TIAM2: variants seen among roughly 807,000 people sequenced by gnomAD.
The protein encoded by TIAM2 is rho guanine nucleotide exchange factor TIAM2.
A neutral mutation model predicts 152.9 loss-of-function variants in TIAM2; 80 were observed. The observed-to-expected ratio is 0.52, with a 90% CI of 0.44 to 0.63. The LOEUF is 0.63. Ranked by LOEUF, TIAM2 falls within the 30% of genes least tolerant of loss-of-function variation. The probability of loss-of-function intolerance (pLI) is 0.00; values close to 1 mark genes in which losing one functional copy is unlikely to be tolerated. For missense variants in TIAM2, 1,965 were observed against 2,120.1 expected (o/e 0.93, Z 1.44); for synonymous variants, 804 against 838.0 (o/e 0.96, Z 0.70).
chr6:155,221,425 G>C (rs970901145), intron 15 of TIAM2, among the ~76,000 whole-genome samples: 3 of 152,202 alleles, frequency 2.0e-5, no homozygotes, highest in African/African-American at 7.2e-5. Context: ...ACTGAGCAGA[G>C]ATGCTGATCT....
chr6:155,245,754 A>ATTTTTTTT, intron 19 of TIAM2, 23 bp downstream of exon 19: 28 of 562,742 alleles, frequency 5.0e-5, no homozygotes, highest in South Asian at 1.1e-4. Context: ...TGCCTTTTAT[A>ATTTTTTTT]GTTTTTTTTT....
At chr6:155,179,217 T>C in intron 11 of TIAM2, 74 bp downstream of exon 11, 1 of 1,498,366 alleles carries the variant, frequency 6.7e-7, no homozygotes. Flanking sequence ...AATGTCATTT[T>C]TGGGGAAAAT....
At chr6:155,196,603 A>G (rs1422536218) in intron 14 of TIAM2, among the ~76,000 whole-genome samples, 1 of 152,216 alleles carries the variant, frequency 6.6e-6, no homozygotes, top group Non-Finnish European at 1.5e-5. Flanking sequence ...ATTCCATTAA[A>G]TTCATCAAAA....
At chr6:155,045,556 A>G (rs1777156352) in intron 1 of TIAM2, among the ~76,000 whole-genome samples, 1 of 152,028 alleles carries the variant, frequency 6.6e-6, no homozygotes, top group African/African-American at 2.4e-5. Context: ...GTTTTCCTCA[A>G]ATAAGTTGTG....
At chr6:155,184,727 T>TA (rs1472940395) in intron 14 of TIAM2, among the ~76,000 whole-genome samples, 1 of 152,230 alleles carries the variant, frequency 6.6e-6, no homozygotes, top group Non-Finnish European at 1.5e-5. Flanking sequence ...TTTTTGGAAT[T>TA]AAAAAATCAG....
At chr6:155,191,348 T>C (rs964483603) in intron 14 of TIAM2, among the ~76,000 whole-genome samples, 6 of 152,254 alleles carry the variant, frequency 3.9e-5, no homozygotes, top group Admixed American at 3.3e-4. Context: ...AAGCACCAGA[T>C]ACTGCCTGGC....
chr6:155,087,852 A>C (rs142693523), intron 1 of TIAM2, among the ~76,000 whole-genome samples: 1 of 151,974 alleles, frequency 6.6e-6, no homozygotes, highest in Non-Finnish European at 1.5e-5. Flanking sequence ...TGTATTCTAT[A>C]AGGTAGGCAT....
chr6:155,063,803 G>T (rs1237894539), intron 1 of TIAM2, among the ~76,000 whole-genome samples: 1 of 95,804 alleles, frequency 1.0e-5, no homozygotes, highest in Non-Finnish European at 2.2e-5. Flanking sequence ...AAAAAAAAAA[G>T]TTATGGAACT....
chr6:155,151,906 G>A (rs896513139), intron 7 of TIAM2, among the ~76,000 whole-genome samples: 7 of 139,332 alleles, frequency 5.0e-5, no homozygotes, highest in Non-Finnish European at 1.1e-4. Flanking sequence ...TTGCAATGGT[G>A]TGATCTTGGC....
chr6:155,114,711 C>T (rs1015765486), intron 2 of TIAM2, among the ~76,000 whole-genome samples: 2 of 152,090 alleles, frequency 1.3e-5, no homozygotes, highest in Non-Finnish European at 1.5e-5. Flanking sequence ...TCCCCAGCCA[C>T]GGAAACCTTT....
chr6:155,117,736 C>A (rs558033299), intron 2 of TIAM2, among the ~76,000 whole-genome samples: 1 of 152,128 alleles, frequency 6.6e-6, no homozygotes. Context: ...AGCCACTGTG[C>A]CTGGCCTTTC....
chr6:155,068,055 T>C (rs1222349515), intron 1 of TIAM2, among the ~76,000 whole-genome samples: 1 of 152,166 alleles, frequency 6.6e-6, no homozygotes, highest in African/African-American at 2.4e-5. Context: ...GAAGGGGTGA[T>C]ATGCAGCAGT....
chr6:155,080,432 C>T (rs1778036825), intron 1 of TIAM2, among the ~76,000 whole-genome samples: 1 of 151,616 alleles, frequency 6.6e-6, no homozygotes, highest in South Asian at 2.1e-4. Flanking sequence ...GGTAAAGCAA[C>T]ATGGCATCCT....
intron 9 of TIAM2, among the ~76,000 whole-genome samples, chr6:155,167,026 G>A (rs1263472882): frequency 3.3e-5 from 5 of 152,252 alleles, no homozygotes; most frequent in Admixed American, 1.3e-4. Flanking sequence ...TGTGAATTGG[G>A]TAAGTAAAAG....
At position 155,030,634 on chromosome 6, in the gene TIAM2, T is replaced by C. The variant is rs537859677; in HGVS notation, c.-209+35142T>C. ...ATCCATGATTTGATTGGTTTCCTCA[T>C]GTGATTGTGGAAGAATGTTAGCTAC... is the stretch of plus-strand genomic sequence containing the variant. On this transcript the variant is annotated intron_variant, in intron 1 of 26. Transcript: ENST00000682666. Among the ~76,000 whole-genome samples, 5 of 152,308 alleles carry C rather than the reference T, an allele frequency of 3.3e-5. No homozygotes were observed. In the East Asian group the frequency reaches 9.6e-4, roughly 29 times the overall value.
chr6:155,058,078 A>T (rs1346533094), intron 1 of TIAM2, among the ~76,000 whole-genome samples: 1 of 152,084 alleles, frequency 6.6e-6, no homozygotes, highest in East Asian at 1.9e-4. Context: ...AATCTCTGAC[A>T]TACCCCTATC....
chr6:155,087,077 G>A (rs1048344010), intron 1 of TIAM2, among the ~76,000 whole-genome samples: 7 of 152,266 alleles, frequency 4.6e-5, no homozygotes, highest in South Asian at 2.1e-4. Flanking sequence ...TGTGAGGTTC[G>A]GGGTATGATG....
chr6:155,163,881 A>G (rs905964533), intron 7 of TIAM2, among the ~76,000 whole-genome samples: 6 of 151,952 alleles, frequency 3.9e-5, no homozygotes, highest in Admixed American at 3.9e-4. Context: ...TTGGCATGTC[A>G]CTGTATTGGG....
intron 3 of TIAM2, among the ~76,000 whole-genome samples, chr6:155,128,221 T>A (rs1294270436): frequency 6.6e-6 from 1 of 152,204 alleles, no homozygotes; most frequent in Non-Finnish European, 1.5e-5. Flanking sequence ...AAAGTGAAGA[T>A]ACCTGAAGTC....
Sources: allele counts gnomAD v4.1 joint callset (sites outside exome capture counted in the v4.1 genomes callset), GRCh38; gene constraint gnomAD v4.1.1; transcripts MANE v1.5; gene names NCBI Gene and HGNC (gene_info 2026-07-23, HGNC 2026-07-21).